Variants in ROBO2 observed in about 807,000 individuals in gnomAD.
ROBO2 encodes the protein roundabout guidance receptor 2, also known as roundabout homolog 2.
ROBO2 carries 53 observed loss-of-function variants against 160.8 expected under a neutral mutation model. That is an observed-to-expected ratio of 0.33 (90% CI 0.26 to 0.41). The LOEUF (loss-of-function observed/expected upper bound fraction) is 0.41. Among genes scored for constraint, ROBO2 ranks in the 10% least tolerant of loss-of-function variants. The pLI is 1.00. For synonymous variants in ROBO2, 664 were observed against 611.7 expected, an observed-to-expected ratio of 1.09 and a Z score of -1.26; for missense variants, 1,577 against 1,722.4, an observed-to-expected ratio of 0.92 and a Z score of 1.49.
At chr3:77,101,010 A>G (rs2071842415) in intron 2 of ROBO2, among the ~76,000 whole-genome samples, 1 of 152,200 alleles carries the variant, frequency 6.6e-6, no homozygotes, top group Admixed American at 6.5e-5. Context: ...TGAGGTTGAG[A>G]GCAGAGTAAA....
At chr3:76,418,250 G>GGA (rs1007970345) in intron 2 of ROBO2, among the ~76,000 whole-genome samples, 25 of 149,438 alleles carry the variant, frequency 1.7e-4, no homozygotes, top group East Asian at 4.0e-4. Flanking sequence ...AGAGAGAGAG[G>GGA]GAGAGAGAGA....
intron 2 of ROBO2, among the ~76,000 whole-genome samples, chr3:77,339,520 T>A (rs1254716188): frequency 6.6e-6 from 1 of 152,110 alleles, no homozygotes; most frequent in Non-Finnish European, 1.5e-5. Flanking sequence ...GTGGACAACA[T>A]CAGTGTCCCT....
chr3:76,331,518 T>C (rs915530443), intron 2 of ROBO2, among the ~76,000 whole-genome samples: 1 of 152,068 alleles, frequency 6.6e-6, no homozygotes, highest in Non-Finnish European at 1.5e-5. Flanking sequence ...ATTTCCTTTA[T>C]GCCTCTAGAT....
At chr3:76,861,492 C>T (rs1445392446) in intron 2 of ROBO2, among the ~76,000 whole-genome samples, 1 of 152,124 alleles carries the variant, frequency 6.6e-6, no homozygotes, top group Non-Finnish European at 1.5e-5. Flanking sequence ...CTTCTTTTAC[C>T]CACAGTCTAG....
At chr3:77,443,125 G>A (rs1321781635) in intron 2 of ROBO2, among the ~76,000 whole-genome samples, 2 of 152,064 alleles carry the variant, frequency 1.3e-5, no homozygotes, top group Non-Finnish European at 2.9e-5. Flanking sequence ...TGGATACAAT[G>A]GAAAGAACAA....
At chr3:76,826,679 CATCCCTGT>C (rs1236939325) in intron 2 of ROBO2, among the ~76,000 whole-genome samples, 1 of 152,134 alleles carries the variant, frequency 6.6e-6, no homozygotes, top group Non-Finnish European at 1.5e-5. Context: ...ATACCTAGCA[CATCCCTGT>C]ATTCCAAAAA....
chr3:77,572,636 A>AACACACACAC (rs71104692), intron 13 of ROBO2, among the ~76,000 whole-genome samples: 7 of 146,298 alleles, frequency 4.8e-5, no homozygotes, highest in African/African-American at 1.0e-4. Context: ...CGTACATAGA[A>AACACACACAC]ACACACACAC....
intron 2 of ROBO2, among the ~76,000 whole-genome samples, chr3:76,765,531 C>T (rs926909479): frequency 6.6e-6 from 1 of 151,602 alleles, no homozygotes; most frequent in Non-Finnish European, 1.5e-5. Context: ...TGACTTGCAA[C>T]GTTACTTCAT....
intron 2 of ROBO2, among the ~76,000 whole-genome samples, chr3:76,168,867 G>A (rs977658030): frequency 6.6e-6 from 1 of 151,334 alleles, no homozygotes; most frequent in Non-Finnish European, 1.5e-5. Flanking sequence ...AATATTGATT[G>A]CCTATCTAGT....
intron 2 of ROBO2, among the ~76,000 whole-genome samples, chr3:76,888,859 A>G (rs907293260): frequency 6.6e-6 from 1 of 152,166 alleles, no homozygotes; most frequent in Non-Finnish European, 1.5e-5. Flanking sequence ...TCTCTGTGCA[A>G]CCTCTCTGGG....
intron 2 of ROBO2, among the ~76,000 whole-genome samples, chr3:76,945,070 A>G (rs941245677): frequency 2.1e-5 from 3 of 139,770 alleles, no homozygotes; most frequent in African/African-American, 8.3e-5. Context: ...TTGTACTTTT[A>G]GTAGAGACGG....
At chr3:76,365,271 A>G (rs1229399073) in intron 2 of ROBO2, among the ~76,000 whole-genome samples, 1 of 151,946 alleles carries the variant, frequency 6.6e-6, no homozygotes, top group African/African-American at 2.4e-5. Context: ...GCTTCATTTT[A>G]TTTTGATCTG....
chr3:77,474,001 G>A (rs928811313), intron 2 of ROBO2, among the ~76,000 whole-genome samples: 1 of 152,040 alleles, frequency 6.6e-6, no homozygotes, highest in Non-Finnish European at 1.5e-5. Flanking sequence ...TTTCTTACCT[G>A]CCTAAAGTCC....
At chr3:77,520,487 C>T (rs1028750159) in intron 5 of ROBO2, among the ~76,000 whole-genome samples, 3 of 151,176 alleles carry the variant, frequency 2.0e-5, no homozygotes, top group Admixed American at 6.6e-5. Flanking sequence ...ATTTTTTTCT[C>T]AATGACCAAT....
intron 2 of ROBO2, among the ~76,000 whole-genome samples, chr3:76,429,564 AGAG>A (rs1158375247): frequency 1.3e-5 from 2 of 152,226 alleles, no homozygotes; most frequent in Admixed American, 6.5e-5. Context: ...TTATTCTTCC[AGAG>A]GAGAATTTGG....
intron 2 of ROBO2, among the ~76,000 whole-genome samples, chr3:77,292,413 T>C (rs1323886519): frequency 6.6e-6 from 1 of 151,386 alleles, no homozygotes; most frequent in African/African-American, 2.4e-5. Context: ...AAATTGACGG[T>C]TAAACGGATA....
chr3:77,451,557 C>A (rs2081109627), intron 2 of ROBO2, among the ~76,000 whole-genome samples: 1 of 151,986 alleles, frequency 6.6e-6, no homozygotes, highest in Non-Finnish European at 1.5e-5. Flanking sequence ...GCCCAAAGTG[C>A]AGTTTTATTT....
intron 2 of ROBO2, among the ~76,000 whole-genome samples, chr3:76,580,468 A>C (rs903276836): frequency 4.0e-5 from 6 of 150,580 alleles, no homozygotes; most frequent in Admixed American, 6.6e-5. Context: ...CAAACTGCTA[A>C]GCTTCATTTG....
chr3:76,578,176 C>A (rs1028426883), intron 2 of ROBO2, among the ~76,000 whole-genome samples: 2 of 152,100 alleles, frequency 1.3e-5, no homozygotes, highest in Non-Finnish European at 2.9e-5. Context: ...ATTGTAGGGT[C>A]GTCATGAGTG....
Sources: allele counts gnomAD v4.1 joint callset (sites outside exome capture counted in the v4.1 genomes callset), GRCh38; gene constraint gnomAD v4.1.1; transcripts MANE v1.5; gene names NCBI Gene and HGNC (gene_info 2026-07-23, HGNC 2026-07-21).